The following EYA1 variants were observed in gnomAD, a reference collection of about 807,000 sequenced individuals.
The protein encoded by EYA1 is EYA transcriptional coactivator and phosphatase 1.
A neutral mutation model predicts 82.0 loss-of-function variants in EYA1; 16 were observed. The observed-to-expected ratio is 0.20, with a 90% CI of 0.13 to 0.30. The LOEUF is 0.30. Ranked by LOEUF, EYA1 falls within the 10% of genes least tolerant of loss-of-function variation. EYA1 has a pLI of 1.00. For synonymous variants in EYA1, 261 were observed against 264.4 expected (o/e 0.99, Z 0.12); for missense variants, 633 against 730.7 (o/e 0.87, Z 1.54).
chr8:71,238,908 A>G (rs889643032), intron 12 of EYA1, among the ~76,000 whole-genome samples: 14 of 152,076 alleles, frequency 9.2e-5, no homozygotes, highest in Non-Finnish European at 1.8e-4. Flanking sequence ...ACTGCTAAGT[A>G]CAATGTTTGC....
chr8:71,412,306 C>G (rs1400415836), intron 2 of EYA1, among the ~76,000 whole-genome samples: 1 of 146,666 alleles, frequency 6.8e-6, no homozygotes, highest in African/African-American at 2.5e-5. Context: ...GTGCAGCGCA[C>G]CAGCATGGCA....
At chr8:71,246,739 T>G (rs886116709) in intron 11 of EYA1, among the ~76,000 whole-genome samples, 4 of 152,222 alleles carry the variant, frequency 2.6e-5, no homozygotes, top group African/African-American at 9.6e-5. Flanking sequence ...TGTCTTTCAT[T>G]TGTCAGAATC....
intron 11 of EYA1, among the ~76,000 whole-genome samples, chr8:71,258,565 G>T (rs903086189): frequency 1.3e-5 from 2 of 152,138 alleles, no homozygotes; most frequent in African/African-American, 4.8e-5. Context: ...TATTAGCAGG[G>T]GACCTTACCC....
chr8:71,520,685 G>T (rs1009895933), intron 2 of EYA1, among the ~76,000 whole-genome samples: 5 of 152,130 alleles, frequency 3.3e-5, no homozygotes, highest in Admixed American at 6.5e-5. Flanking sequence ...CAGGGCCAGA[G>T]TTCAGCTTGA....
chr8:71,479,223 A>T (rs935758717), intron 2 of EYA1, among the ~76,000 whole-genome samples: 2 of 152,156 alleles, frequency 1.3e-5, no homozygotes, highest in African/African-American at 4.8e-5. Context: ...CCTTTGCACC[A>T]GCTGTTCCAT....
rs534563430 is a variant in EYA1 at position 71,226,431 on chromosome 8, CATG to C, written c.1141-9411_1141-9409del. The stretch of plus-strand genomic sequence containing the variant: ...CTCACCATGAATGCCTTCTTTACCA[CATG>C]ATATTAAATATATTTGTCACCATGA... On this transcript the variant is annotated intron_variant, in intron 12 of 17. Coordinates refer to ENST00000340726, the MANE Select transcript of EYA1 (RefSeq NM_000503.6). Among the ~76,000 whole-genome samples, 586 of 151,782 alleles carry C rather than the reference CATG, an allele frequency of 3.9e-3. 4 individuals carry two copies. Among genetic ancestry groups the C allele is most frequent in the African/African-American group, 0.013 (554 of 41,432 alleles).
intron 17 of EYA1, 120 bp downstream of exon 17, chr8:71,211,036 G>A (rs1808438632): frequency 2.7e-6 from 2 of 753,626 alleles, no homozygotes. Context: ...TCAGTGCTTA[G>A]AGTACTGCAC....
chr8:71,298,410 G>A (rs901831055), intron 9 of EYA1, among the ~76,000 whole-genome samples: 3 of 152,116 alleles, frequency 2.0e-5, no homozygotes, highest in African/African-American at 7.2e-5. Flanking sequence ...AGGAAATCAG[G>A]CAGACACCAT....
intron 2 of EYA1, among the ~76,000 whole-genome samples, chr8:71,502,817 T>C (rs1811910597): frequency 6.6e-6 from 1 of 152,202 alleles, no homozygotes; most frequent in African/African-American, 2.4e-5. Context: ...CTTGCCTCCC[T>C]GTAAAACCAT....
At chr8:71,408,195 C>T (rs1213544253) in intron 2 of EYA1, among the ~76,000 whole-genome samples, 1 of 151,872 alleles carries the variant, frequency 6.6e-6, no homozygotes, top group East Asian at 1.9e-4. Context: ...CACCACTAGG[C>T]CTGCCCTAAA....
intron 2 of EYA1, among the ~76,000 whole-genome samples, chr8:71,511,776 T>C (rs1016760844): frequency 3.3e-5 from 5 of 152,164 alleles, no homozygotes; most frequent in African/African-American, 1.2e-4. Context: ...CACGATTGAA[T>C]AAAAATTTGG....
intron 2 of EYA1, among the ~76,000 whole-genome samples, chr8:71,461,379 C>G (rs1255891832): frequency 6.6e-6 from 1 of 152,148 alleles, no homozygotes; most frequent in Admixed American, 6.5e-5. Context: ...GCTCCAGGTG[C>G]CAGCACTGGT....
chr8:71,453,561 C>G lies in EYA1; in HGVS notation c.33+82183G>C, dbSNP rs555331273. Among the ~76,000 whole-genome samples, 14 of 152,320 alleles carry G rather than the reference C, an allele frequency of 9.2e-5. No individual in the cohort carries two copies. The South Asian group carries it at 2.7e-3, about 29-fold the overall frequency. ...CACGAAGGGAAGCCCATCAGACTAACAGCTGATCTCTTGGCAGAAACTCTA... is the reference window on the plus strand; with the variant it reads ...CACGAAGGGAAGCCCATCAGACTAAGAGCTGATCTCTTGGCAGAAACTCTA... On this transcript the variant is annotated intron_variant, in intron 2 of 18. Coordinates refer to the EYA1 transcript ENST00000643681.
At chr8:71,277,431 C>A (rs1817332631) in intron 9 of EYA1, among the ~76,000 whole-genome samples, 1 of 152,108 alleles carries the variant, frequency 6.6e-6, no homozygotes, top group South Asian at 2.1e-4. Context: ...GGATTACAGG[C>A]ATGAGCCAAT....
intron 11 of EYA1, among the ~76,000 whole-genome samples, chr8:71,257,114 T>C (rs975969012): frequency 6.6e-6 from 1 of 152,240 alleles, no homozygotes; most frequent in African/African-American, 2.4e-5. Context: ...ATACTATTTA[T>C]TACTTCTATT....
At chr8:71,521,293 C>G (rs1008923633) in intron 2 of EYA1, among the ~76,000 whole-genome samples, 1 of 152,088 alleles carries the variant, frequency 6.6e-6, no homozygotes, top group African/African-American at 2.4e-5. Flanking sequence ...CTCAATACCA[C>G]TCACATTTCA....
At chr8:71,454,324 A>G (rs1453352679) in intron 2 of EYA1, among the ~76,000 whole-genome samples, 2 of 152,242 alleles carry the variant, frequency 1.3e-5, no homozygotes, top group African/African-American at 4.8e-5. Context: ...TAATAATGGG[A>G]GACTTTAGCA....
rs1806477832 is a variant in EYA1 at position 71,198,139 on chromosome 8, A to C, written c.*1201T>G. ...TAATTAATAATTCTGAGCACATGAAAACTTTGTTAGTCTCCGATTCATGAA... is the reference window on the plus strand; with the variant it reads ...TAATTAATAATTCTGAGCACATGAACACTTTGTTAGTCTCCGATTCATGAA... On this transcript the variant is annotated 3_prime_UTR_variant, in exon 18 of 18. Coordinates refer to ENST00000340726, the MANE Select transcript of EYA1 (RefSeq NM_000503.6). 6.6e-6 allele frequency: 1 copy of C among 152,566 alleles called. No homozygotes were observed. Among genetic ancestry groups the C allele is most frequent in the Non-Finnish European group, 1.5e-5 (1 of 68,038 alleles). The allele number at this position is 152,566 out of a possible 1,614,324, so 9.5% of individuals were successfully genotyped here. A position where few individuals can be genotyped will look rare whatever the true frequency, so the allele number is the denominator to read the frequency against.
At chr8:71,375,755 A>G (rs1275311865) in intron 2 of EYA1, among the ~76,000 whole-genome samples, 6 of 152,034 alleles carry the variant, frequency 3.9e-5, no homozygotes, top group African/African-American at 1.5e-4. Context: ...CAGCCTCCCA[A>G]GTACCAGGGG....
Sources: gnomAD v4.1 joint callset for allele counts (sites outside exome capture counted in the v4.1 genomes callset) on GRCh38, gnomAD v4.1.1 for gene constraint, MANE v1.5 for transcripts, NCBI Gene and HGNC (gene_info 2026-07-23, HGNC 2026-07-21) for gene names.